The following FHOD3 variants were observed in gnomAD, a reference collection of about 807,000 sequenced individuals.
FHOD3 encodes FH1/FH2 domain-containing protein 3.
Under a neutral mutation model 173.0 loss-of-function variants are expected in FHOD3, and 90 were observed. The ratio of observed to expected loss-of-function variants is 0.52; its 90% CI spans 0.44 to 0.62. FHOD3 has a LOEUF of 0.62. FHOD3 is among the 20% of genes least tolerant of loss of function. The pLI, the probability that FHOD3 is intolerant of heterozygous loss-of-function variation, is 0.00. For missense variants in FHOD3, 1,945 were observed against 2,034.7 expected, an observed-to-expected ratio of 0.96 and a Z score of 0.85; for synonymous variants, 828 against 823.0, an observed-to-expected ratio of 1.01 and a Z score of -0.10.
rs189481399 is a variant in FHOD3, at chr18:36,311,843, G to A, written c.165+13843G>A. 5.3e-5 allele frequency among the ~76,000 whole-genome samples: 8 copies of A among 152,246 alleles called. No individual in the cohort carries two copies. The East Asian group carries it at 9.7e-4, about 18-fold the overall frequency. The stretch of plus-strand genomic sequence containing the variant: ...TGATGGGGGGAGGGGGGACAGGTGC[G>A]CCCCTTCTTCTGGCAATGCCAGCCC... On this transcript the variant is annotated intron_variant, in intron 1 of 28. Coordinates refer to ENST00000590592, the MANE Select transcript of FHOD3 (RefSeq NM_001281740.3).
At chr18:36,418,385 A>G (rs2049787616) in intron 3 of FHOD3, among the ~76,000 whole-genome samples, 1 of 152,204 alleles carries the variant, frequency 6.6e-6, no homozygotes, top group African/African-American at 2.4e-5. Context: ...GAAATTTTGT[A>G]GGAAGCTCAT....
At chr18:36,349,729 G>A (rs2046032171) in intron 1 of FHOD3, among the ~76,000 whole-genome samples, 1 of 152,150 alleles carries the variant, frequency 6.6e-6, no homozygotes, top group Non-Finnish European at 1.5e-5. Context: ...CGTGACATCA[G>A]CCTCCTTTGA....
rs374110751 is a variant in FHOD3, at chr18:36,649,206, C to CGTTGTT, written c.1197-94_1197-89dup. On this transcript the variant is annotated intron_variant, in intron 10 of 28. Coordinates refer to ENST00000590592, the MANE Select transcript of FHOD3 (RefSeq NM_001281740.3). ...TTTTTTTTTTTAATTATTATTATTT[C>CGTTGTT]GTTGTTGTTGTTGTTGTTGTTTTTG... The CGTTGTT allele has an allele frequency of 7.1e-6, 4 of 567,354 alleles. No homozygotes were observed. In the South Asian group the frequency reaches 9.4e-5, roughly 13 times the overall value. The allele number at this position is 567,354 out of a possible 1,614,324, so 35.1% of individuals were successfully genotyped here. A position where few individuals can be genotyped will look rare whatever the true frequency, so the allele number is the denominator to read the frequency against.
chr18:36,298,336 G>T (rs1051600375), intron 1 of FHOD3, among the ~76,000 whole-genome samples: 1 of 152,174 alleles, frequency 6.6e-6, no homozygotes, highest in South Asian at 2.1e-4. Context: ...GCTAGGACGC[G>T]GGCAGTCGGC....
chr18:36,586,287 G>A (rs1198688280), intron 6 of FHOD3, among the ~76,000 whole-genome samples: 1 of 152,154 alleles, frequency 6.6e-6, no homozygotes, highest in Admixed American at 6.5e-5. Context: ...TGGGCTATGC[G>A]ACAAGTTACA....
chr18:36,344,923 C>T (rs1486986270), intron 1 of FHOD3, among the ~76,000 whole-genome samples: 3 of 152,244 alleles, frequency 2.0e-5, no homozygotes, highest in East Asian at 3.9e-4. Context: ...GGAAATATTA[C>T]TAGAGAGAAG....
chr18:36,414,413 A>C (rs2049517782), intron 3 of FHOD3, among the ~76,000 whole-genome samples: 1 of 152,226 alleles, frequency 6.6e-6, no homozygotes. Context: ...CATAAAGGAC[A>C]CGTAAGGGTG....
chr18:36,422,858 A>T (rs2050055816), intron 3 of FHOD3, among the ~76,000 whole-genome samples: 1 of 152,236 alleles, frequency 6.6e-6, no homozygotes, highest in African/African-American at 2.4e-5. Flanking sequence ...TATCAGGAAG[A>T]TGAGCAATCA....
At chr18:36,345,622 G>A (rs1393280465) in intron 1 of FHOD3, among the ~76,000 whole-genome samples, 2 of 152,094 alleles carry the variant, frequency 1.3e-5, no homozygotes, top group Non-Finnish European at 1.5e-5. Flanking sequence ...AAAATTTTTA[G>A]TAGAGATGAG....
chr18:36,509,813 T>C (rs1462966767), intron 4 of FHOD3, among the ~76,000 whole-genome samples: 1 of 152,252 alleles, frequency 6.6e-6, no homozygotes, highest in African/African-American at 2.4e-5. Context: ...TCTGTAGTGT[T>C]TGTTCTCTGA....
At chr18:36,584,883 C>G (rs12605608) in intron 6 of FHOD3, among the ~76,000 whole-genome samples, 45,299 of 152,012 alleles carry the variant, frequency 0.3, 7,065 homozygotes, top group Admixed American at 0.37. Context: ...AACATACTCT[C>G]TTTGTATAAA....
intron 24 of FHOD3, among the ~76,000 whole-genome samples, chr18:36,748,382 AACACACACACACACACACAC>A (rs532609709): frequency 7.0e-6 from 1 of 143,484 alleles, no homozygotes; most frequent in African/African-American, 2.6e-5. Flanking sequence ...ACACACACAC[AACACACACACACACACACAC>A]ACACACACAC....
intron 5 of FHOD3, among the ~76,000 whole-genome samples, chr18:36,535,376 C>T (rs2056954679): frequency 6.6e-6 from 1 of 152,178 alleles, no homozygotes; most frequent in Admixed American, 6.5e-5. Flanking sequence ...CATCCCTTTC[C>T]CTGGTTCCTA....
chr18:36,522,913 G>A (rs888323996), intron 5 of FHOD3, among the ~76,000 whole-genome samples: 4 of 152,212 alleles, frequency 2.6e-5, no homozygotes, highest in Non-Finnish European at 5.9e-5. Flanking sequence ...TTGATTTTCA[G>A]TATCCTCACT....
At chr18:36,573,856 T>G (rs1371557939) in intron 5 of FHOD3, among the ~76,000 whole-genome samples, 2 of 152,226 alleles carry the variant, frequency 1.3e-5, no homozygotes. Flanking sequence ...CTTTTTTATT[T>G]TGTTTAAACT....
chr18:36,632,440 T>C (rs1160846745), intron 10 of FHOD3, among the ~76,000 whole-genome samples: 1 of 152,220 alleles, frequency 6.6e-6, no homozygotes, highest in Non-Finnish European at 1.5e-5. Context: ...TCTTTATTTT[T>C]AATATGAAAA....
intron 12 of FHOD3, 39 bp downstream of exon 12, chr18:36,652,968 C>G: frequency 6.7e-7 from 1 of 1,501,802 alleles, no homozygotes; most frequent in African/African-American, 1.4e-5. Flanking sequence ...GAGATTAACT[C>G]GGGGAGGAGA....
intron 1 of FHOD3, among the ~76,000 whole-genome samples, chr18:36,354,040 T>C (rs1254187353): frequency 6.6e-6 from 1 of 152,226 alleles, no homozygotes; most frequent in Non-Finnish European, 1.5e-5. Flanking sequence ...TTCACCCACA[T>C]TCTGCTGATC....
At chr18:36,478,249 CT>C (rs1242586517) in intron 3 of FHOD3, among the ~76,000 whole-genome samples, 1 of 152,062 alleles carries the variant, frequency 6.6e-6, no homozygotes, top group African/African-American at 2.4e-5. Context: ...ATTGTCACAT[CT>C]TTTTTTGATG....
Sources: gnomAD v4.1 joint callset for allele counts (sites outside exome capture counted in the v4.1 genomes callset) on GRCh38, gnomAD v4.1.1 for gene constraint, MANE v1.5 for transcripts, NCBI Gene and HGNC (gene_info 2026-07-23, HGNC 2026-07-21) for gene names.